MTUS1: variants seen among roughly 807,000 people sequenced by gnomAD.
MTUS1 encodes microtubule associated scaffold protein 1.
A neutral mutation model predicts 120.8 loss-of-function variants in MTUS1; 109 were observed. The ratio of observed to expected loss-of-function variants is 0.90; its 90% CI spans 0.77 to 1.06. The LOEUF (loss-of-function observed/expected upper bound fraction) is 1.06, where lower values mean the gene tolerates loss of function less well. Ranked by LOEUF, MTUS1 falls within the 50% of genes least tolerant of loss-of-function variation. The pLI is 0.00. For missense variants in MTUS1, 2,210 were observed against 1,486.3 expected, an observed-to-expected ratio of 1.49 and a Z score of -8.01; for synonymous variants, 737 against 550.5, an observed-to-expected ratio of 1.34 and a Z score of -4.74.
At chr8:17,651,919 C>A (rs146008274) in intron 12 of MTUS1, among the ~76,000 whole-genome samples, 9 of 152,336 alleles carry the variant, frequency 5.9e-5, no homozygotes, top group African/African-American at 1.9e-4. Flanking sequence ...TTTGAAATCA[C>A]TGACTCTTCC....
At chr8:17,728,860 C>T (rs1407015861) in intron 3 of MTUS1, among the ~76,000 whole-genome samples, 1 of 152,092 alleles carries the variant, frequency 6.6e-6, no homozygotes, top group East Asian at 1.9e-4. Flanking sequence ...GCAGAACTGA[C>T]TGAAGACTGA....
chr8:17,680,207 T>C (rs547769838), intron 7 of MTUS1, among the ~76,000 whole-genome samples: 39 of 152,204 alleles, frequency 2.6e-4, no homozygotes, highest in African/African-American at 7.5e-4. Context: ...ATCATGCCTG[T>C]AATCCCAGCA....
chr8:17,659,092 G>A (rs1391027309), intron 8 of MTUS1, among the ~76,000 whole-genome samples: 1 of 152,142 alleles, frequency 6.6e-6, no homozygotes, highest in Non-Finnish European at 1.5e-5. Context: ...CCACAGAGAG[G>A]CTAAATCATC....
At chr8:17,751,731 G>A (rs1054885836) in intron 2 of MTUS1, among the ~76,000 whole-genome samples, 4 of 151,768 alleles carry the variant, frequency 2.6e-5, no homozygotes, top group East Asian at 1.9e-4. Context: ...GGTGGTGCAC[G>A]CCTGTAGTCC....
intron 8 of MTUS1, among the ~76,000 whole-genome samples, chr8:17,661,541 G>A (rs546025467): frequency 3.9e-5 from 6 of 152,096 alleles, no homozygotes; most frequent in Non-Finnish European, 5.9e-5. Context: ...AAATACTGTC[G>A]CTTTGAATAT....
rs1241267053 is a variant in MTUS1 at position 17,753,977 on chromosome 8, T to A, written c.1831A>T (p.Asn611Tyr). ...CTGGCTTTGTCAACATCTTCCTGAT[T>A]CGATTTCACGGCAGATGTTGTTCTT... Reference protein sequence around the residue: ...VPRTTSAVKSNQEDVDKASSS... With the variant: ...VPRTTSAVKSYQEDVDKASSS... The change falls in exon 2 of 15, where the codon AAT (asparagine) becomes TAT (tyrosine). Residue 611 changes from asparagine (N) to tyrosine (Y), a missense_variant. Physicochemically the swap from Asn to Tyr is moderately radical, Grantham distance 143 (BLOSUM62 -2). Coordinates refer to ENST00000693296, the MANE Select transcript of MTUS1 (RefSeq NM_001363059.2). The A allele has an allele frequency of 6.2e-7, 1 of 1,614,230 alleles. No individual in the cohort carries two copies. The highest frequency in any genetic ancestry group is 1.7e-5 in the Admixed American group (1 of 60,032).
At chr8:17,660,921 C>T (rs75535807) in intron 8 of MTUS1, among the ~76,000 whole-genome samples, 3,657 of 152,226 alleles carry the variant, frequency 0.024, 142 homozygotes, top group African/African-American at 0.083. Flanking sequence ...AAAAGACAGA[C>T]GGAGGCCAGA....
intron 8 of MTUS1, among the ~76,000 whole-genome samples, chr8:17,671,320 T>C (rs147599028): frequency 2.9e-4 from 44 of 151,492 alleles, no homozygotes; most frequent in African/African-American, 1.1e-3. Flanking sequence ...AAAATATTTA[T>C]CGAGTACCCA....
chr8:17,739,907 A>G (rs2131240207), intron 3 of MTUS1, among the ~76,000 whole-genome samples: 1 of 152,328 alleles, frequency 6.6e-6, no homozygotes, highest in Middle Eastern at 3.4e-3. Flanking sequence ...ATCTCTTATA[A>G]TCTGGTCTCA....
At chr8:17,676,981 A>G (rs1195292810) in intron 7 of MTUS1, among the ~76,000 whole-genome samples, 1 of 152,204 alleles carries the variant, frequency 6.6e-6, no homozygotes, top group African/African-American at 2.4e-5. Context: ...ACGGAAGTCA[A>G]GTCTAAACGC....
intron 5 of MTUS1, 100 bp from the exon 6 acceptor site, chr8:17,713,352 C>T (rs1004604184): frequency 3.8e-5 from 29 of 768,262 alleles, no homozygotes; most frequent in African/African-American, 2.9e-4. Flanking sequence ...AACAATCAAT[C>T]GCTACATTTC....
intron 1 of MTUS1, among the ~76,000 whole-genome samples, chr8:17,760,237 A>C (rs1206563378): frequency 6.6e-6 from 1 of 152,064 alleles, no homozygotes; most frequent in Non-Finnish European, 1.5e-5. Flanking sequence ...AAACAAAATA[A>C]AACAAATTTC....
intron 8 of MTUS1, among the ~76,000 whole-genome samples, chr8:17,672,609 C>T (rs1238987249): frequency 6.6e-6 from 1 of 152,150 alleles, no homozygotes; most frequent in Non-Finnish European, 1.5e-5. Flanking sequence ...TTACAGGTTT[C>T]GCTTCCCTCC....
rs191828002 is a variant in MTUS1, at chr8:17,785,441, C to G, written c.-155+15620G>C. 9.9e-4 allele frequency among the ~76,000 whole-genome samples: 151 copies of G among 152,268 alleles called. 1 individual carries two copies. Among genetic ancestry groups the G allele is most frequent in the African/African-American group, 3.5e-3 (146 of 41,554 alleles). On this transcript the variant is annotated intron_variant, in intron 1 of 14. Transcript: ENST00000693296. ...AGATTTTATGGACCTGTGACATCCA[C>G]ACTCCAAAACTCTGCAGAGACAGCA...
At chr8:17,784,726 C>T (rs952296038) in intron 1 of MTUS1, among the ~76,000 whole-genome samples, 1 of 152,046 alleles carries the variant, frequency 6.6e-6, no homozygotes, top group African/African-American at 2.4e-5. Flanking sequence ...GGGGGCATTT[C>T]TCACACCACT....
In MTUS1 at chr8:17,755,587, A is replaced by G. The variant is rs2048550351; in HGVS notation, c.221T>C (p.Leu74Pro). The change falls in exon 2 of 15, where the codon CTT (leucine) becomes CCT (proline). Residue 74 changes from leucine (L) to proline (P), a missense_variant. Coordinates refer to ENST00000693296, the MANE Select transcript of MTUS1 (RefSeq NM_001363059.2). ...ATGACCAAATACTTCAACACCCTGA[A>G]GGCTTAAAGAAATATTTTCACCAGT... ...VVTGENISLS[L>P]QGVEVFGHEK... is the part of the protein sequence containing the mutation. 6.2e-7 allele frequency: 1 copy of G among 1,614,196 alleles called. No individual in the cohort carries two copies. Among genetic ancestry groups the G allele is most frequent in the African/African-American group, 1.3e-5 (1 of 75,068 alleles).
intron 3 of MTUS1, among the ~76,000 whole-genome samples, chr8:17,730,905 A>C (rs527359013): frequency 1.3e-5 from 2 of 152,306 alleles, no homozygotes; most frequent in South Asian, 4.1e-4. Flanking sequence ...GGATGGCTGC[A>C]AAAAATGTGA....
At chr8:17,694,964 T>G (rs1016834219) in intron 6 of MTUS1, among the ~76,000 whole-genome samples, 22 of 152,200 alleles carry the variant, frequency 1.4e-4, no homozygotes, top group Middle Eastern at 3.4e-3. Context: ...ATTCACTTGG[T>G]CACCAGCAGA....
chr8:17,684,528 G>C lies in MTUS1; in HGVS notation c.2638C>G (p.Gln880Glu), dbSNP rs1164818965. The change falls in exon 7 of 15, where the codon CAA becomes GAA. Residue 880 changes from glutamine to glutamate, a missense_variant. By Grantham distance (29) the Gln-to-Glu change is conservative. Coordinates refer to ENST00000693296, the MANE Select transcript of MTUS1 (RefSeq NM_001363059.2). ...TALNAVEKSR[Q>E]KNPRSLCIQP... The stretch of plus-strand genomic sequence containing the variant: ...ATACATAAGCTTCGAGGATTCTTTT[G>C]CCTGCTCTTTTCAACTGCAAAACGA... 3.1e-6 allele frequency: 5 copies of C among 1,613,640 alleles called. No homozygotes were observed. Among genetic ancestry groups the C allele is most frequent in the Non-Finnish European group, 3.4e-6 (4 of 1,179,892 alleles).
Sources: gnomAD v4.1 joint callset for allele counts (sites outside exome capture counted in the v4.1 genomes callset) on GRCh38, gnomAD v4.1.1 for gene constraint, MANE v1.5 for transcripts, NCBI Gene and HGNC (gene_info 2026-07-23, HGNC 2026-07-21) for gene names.